SLC9A9: variants seen among roughly 807,000 people sequenced by gnomAD.
SLC9A9 encodes the protein solute carrier family 9 member A9, also known as sodium/hydrogen exchanger 9.
SLC9A9 carries 62 observed loss-of-function variants against 77.8 expected under a neutral mutation model. The ratio of observed to expected loss-of-function variants is 0.80; its 90% confidence interval spans 0.65 to 0.98. The LOEUF (loss-of-function observed/expected upper bound fraction) is 0.98, where lower values mean the gene tolerates loss of function less well. SLC9A9 is among the 50% of genes least tolerant of loss of function. SLC9A9 has a pLI of 0.00. For missense variants in SLC9A9, 775 were observed against 774.9 expected (o/e 1.00, Z 0.00); for synonymous variants, 320 against 283.5 (o/e 1.13, Z -1.29).
intron 2 of SLC9A9, among the ~76,000 whole-genome samples, chr3:143,826,529 T>C (rs2009304890): frequency 6.6e-6 from 1 of 152,154 alleles, no homozygotes; most frequent in African/African-American, 2.4e-5. Flanking sequence ...CTCTACCCTG[T>C]ACACAGCAGG....
chr3:143,363,940 G>A (rs2032825805), intron 13 of SLC9A9, among the ~76,000 whole-genome samples: 1 of 152,178 alleles, frequency 6.6e-6, no homozygotes, highest in Non-Finnish European at 1.5e-5. Flanking sequence ...AGGCTAAAGT[G>A]AGGATAATAG....
At chr3:143,349,278 G>A (rs1269571911) in intron 14 of SLC9A9, among the ~76,000 whole-genome samples, 1 of 152,162 alleles carries the variant, frequency 6.6e-6, no homozygotes, top group Non-Finnish European at 1.5e-5. Context: ...AAAGGAGAGG[G>A]ATGGTGATAA....
chr3:143,414,676 C>T (rs2034159525), intron 12 of SLC9A9, among the ~76,000 whole-genome samples: 1 of 152,176 alleles, frequency 6.6e-6, no homozygotes, highest in Non-Finnish European at 1.5e-5. Context: ...GGTCCACTTG[C>T]TAGCTGTTTC....
chr3:143,434,647 C>A (rs946339674), intron 12 of SLC9A9, among the ~76,000 whole-genome samples: 2 of 152,150 alleles, frequency 1.3e-5, no homozygotes, highest in African/African-American at 4.8e-5. Flanking sequence ...CGGCCCATCC[C>A]CCCCATCTCA....
chr3:143,806,630 A>G (rs1026983695), intron 2 of SLC9A9, among the ~76,000 whole-genome samples: 1 of 152,126 alleles, frequency 6.6e-6, no homozygotes, highest in African/African-American at 2.4e-5. Flanking sequence ...CAAATTTTGC[A>G]TATTTTTACT....
chr3:143,835,008 G>T (rs1178160948), intron 1 of SLC9A9, among the ~76,000 whole-genome samples: 5 of 152,106 alleles, frequency 3.3e-5, no homozygotes, highest in Admixed American at 2.6e-4. Context: ...GGATACTAAG[G>T]CAAGCAGATG....
At chr3:143,515,155 C>CAGTT (rs2036184858) in intron 9 of SLC9A9, among the ~76,000 whole-genome samples, 1 of 152,066 alleles carries the variant, frequency 6.6e-6, no homozygotes, top group Non-Finnish European at 1.5e-5. Flanking sequence ...GGGGAATGAC[C>CAGTT]AGTTGGTGGA....
chr3:143,347,629 C>T (rs1559877393), intron 14 of SLC9A9, among the ~76,000 whole-genome samples: 1 of 152,174 alleles, frequency 6.6e-6, no homozygotes, highest in Non-Finnish European at 1.5e-5. Flanking sequence ...AGTTTCCTTA[C>T]CTGTAAGGAG....
At chr3:143,591,933 G>C (rs2037651529) in intron 6 of SLC9A9, among the ~76,000 whole-genome samples, 1 of 152,220 alleles carries the variant, frequency 6.6e-6, no homozygotes, top group Admixed American at 6.5e-5. Context: ...GCTATCAGTA[G>C]CATGTGAACA....
intron 12 of SLC9A9, among the ~76,000 whole-genome samples, chr3:143,442,135 G>T (rs1226870864): frequency 1.3e-5 from 2 of 152,160 alleles, no homozygotes; most frequent in Non-Finnish European, 2.9e-5. Flanking sequence ...GCTGAGGAAG[G>T]TGCCTGCACA....
chr3:143,649,294 T>C (rs1337040076), intron 6 of SLC9A9, among the ~76,000 whole-genome samples: 2 of 152,226 alleles, frequency 1.3e-5, no homozygotes, highest in Non-Finnish European at 2.9e-5. Flanking sequence ...TGTGAGGCAG[T>C]ATGCATACAT....
At chr3:143,833,402 CAT>C (rs1385424236) in intron 1 of SLC9A9, among the ~76,000 whole-genome samples, 2 of 152,174 alleles carry the variant, frequency 1.3e-5, no homozygotes, top group Admixed American at 1.3e-4. Flanking sequence ...TAAAACATGA[CAT>C]GTGCTATGAC....
chr3:143,282,508 A>C (rs1194052024), intron 14 of SLC9A9, among the ~76,000 whole-genome samples: 1 of 152,200 alleles, frequency 6.6e-6, no homozygotes, highest in Non-Finnish European at 1.5e-5. Flanking sequence ...TCCTTACAAT[A>C]TAAGCCTGAA....
chr3:143,283,796 C>T (rs1472663817), intron 14 of SLC9A9, among the ~76,000 whole-genome samples: 2 of 152,192 alleles, frequency 1.3e-5, no homozygotes, highest in Non-Finnish European at 2.9e-5. Context: ...CATATCAACA[C>T]ATCTTCTCAG....
chr3:143,348,961 C>A (rs1461354156), intron 14 of SLC9A9, among the ~76,000 whole-genome samples: 2 of 152,202 alleles, frequency 1.3e-5, no homozygotes, highest in African/African-American at 2.4e-5. Context: ...GACTCCTAAT[C>A]TTGCTGCTTT....
chr3:143,562,721 T>C (rs2037107618), intron 8 of SLC9A9, among the ~76,000 whole-genome samples: 1 of 151,472 alleles, frequency 6.6e-6, no homozygotes, highest in Non-Finnish European at 1.5e-5. Flanking sequence ...CTGATCATTC[T>C]GTTTCCATCT....
chr3:143,435,025 C>T (rs541701734), intron 12 of SLC9A9, among the ~76,000 whole-genome samples: 2 of 152,158 alleles, frequency 1.3e-5, no homozygotes, highest in Non-Finnish European at 2.9e-5. Flanking sequence ...TCTCACGCCC[C>T]GCCGTCATCA....
At chr3:143,667,635 G>GA (rs1391963929) in intron 5 of SLC9A9, among the ~76,000 whole-genome samples, 4 of 151,962 alleles carry the variant, frequency 2.6e-5, no homozygotes, top group South Asian at 4.1e-4. Flanking sequence ...AAATTTACAA[G>GA]AAAAAAATCA....
chr3:143,655,615 T>C, intron 5 of SLC9A9: 2 of 984,950 alleles, frequency 2.0e-6, no homozygotes, highest in Non-Finnish European at 2.4e-6. Flanking sequence ...CACTTTGTCT[T>C]TCAAATTGAT....
Sources: gnomAD v4.1 joint callset for allele counts (sites outside exome capture counted in the v4.1 genomes callset) on GRCh38, gnomAD v4.1.1 for gene constraint, MANE v1.5 for transcripts, NCBI Gene and HGNC (gene_info 2026-07-23, HGNC 2026-07-21) for gene names.